SAMD5: variants seen among roughly 807,000 people sequenced by gnomAD.
SAMD5 encodes the protein sterile alpha motif domain containing 5, also known as sterile alpha motif domain-containing protein 5.
A neutral mutation model predicts 11.3 loss-of-function variants in SAMD5; 13 were observed. The observed-to-expected ratio is 1.15, with a 90% confidence interval of 0.75 to 1.83. The LOEUF (loss-of-function observed/expected upper bound fraction) is 1.83, where lower values mean the gene tolerates loss of function less well. Among genes scored for constraint, SAMD5 ranks in the 40% most tolerant of loss-of-function variants. The pLI, the probability that SAMD5 is intolerant of heterozygous loss-of-function variation, is 0.00. For synonymous variants in SAMD5, 129 were observed against 111.3 expected (o/e 1.16, Z -1.00); for missense variants, 255 against 239.1 (o/e 1.07, Z -0.44).
At chr6:147,768,496 TCAAA>T in the SAMD5 span, among the ~76,000 whole-genome samples, 1 of 151,610 alleles carries the variant, frequency 6.6e-6, no homozygotes, top group Admixed American at 6.6e-5. Flanking sequence ...AGACTCCGTC[TCAAA>T]CAAAACAAAA....
At chr6:147,683,337 G>C (rs774741322) in intron 1 of SAMD5, among the ~76,000 whole-genome samples, 1 of 152,040 alleles carries the variant, frequency 6.6e-6, no homozygotes, top group African/African-American at 2.4e-5. Context: ...TAAACTTTTT[G>C]GTCTCAGGAC....
Position 147,567,191 on chromosome 6 carries a change from T to C in SAMD5, c.*2735T>C. On this transcript the variant is annotated 3_prime_UTR_variant, in exon 2 of 2. Transcript: ENST00000367474. ...ATTTCTTGGCATAGGGAAGGCGTAATGTTAAGGGCTTCTTCCTTACCCAAG... is the reference window on the plus strand; with the variant it reads ...ATTTCTTGGCATAGGGAAGGCGTAACGTTAAGGGCTTCTTCCTTACCCAAG... 2.0e-6 allele frequency: 2 copies of C among 985,348 alleles called. No homozygotes were observed. Among genetic ancestry groups the C allele is most frequent in the Non-Finnish European group, 2.4e-6 (2 of 829,858 alleles). 61.0% of individuals were successfully genotyped at this position (985,348 alleles called of 1,614,324 possible). A position where few individuals can be genotyped will look rare whatever the true frequency, so the allele number is the denominator to read the frequency against.
chr6:147,512,806 G>A (rs1788109566), intron 1 of SAMD5, among the ~76,000 whole-genome samples: 1 of 152,084 alleles, frequency 6.6e-6, no homozygotes, highest in East Asian at 1.9e-4. Flanking sequence ...CTGCCCTCTG[G>A]GAACTTAGCA....
intron 1 of SAMD5, among the ~76,000 whole-genome samples, chr6:147,531,615 C>G (rs998225868): frequency 2.0e-5 from 3 of 152,170 alleles, no homozygotes; most frequent in Non-Finnish European, 4.4e-5. Flanking sequence ...ACCTATCAAC[C>G]AACATTCATG....
the SAMD5 span, among the ~76,000 whole-genome samples, chr6:147,907,360 T>A: frequency 2.0e-5 from 3 of 152,234 alleles, no homozygotes; most frequent in Admixed American, 2.0e-4. Flanking sequence ...GCAATGGACA[T>A]CAAATCTGCA....
chr6:147,845,278 G>A, the SAMD5 span, among the ~76,000 whole-genome samples: 5 of 151,998 alleles, frequency 3.3e-5, no homozygotes, highest in Non-Finnish European at 7.4e-5. Flanking sequence ...AGACTTAAAT[G>A]TAAAACATAA....
chr6:147,831,631 C>T, the SAMD5 span, among the ~76,000 whole-genome samples: 20 of 152,192 alleles, frequency 1.3e-4, no homozygotes, highest in Non-Finnish European at 1.8e-4. Flanking sequence ...AAATATCTTA[C>T]AAGATCTTCA....
the SAMD5 span, among the ~76,000 whole-genome samples, chr6:147,928,734 A>G: frequency 6.6e-6 from 1 of 151,720 alleles, no homozygotes; most frequent in Non-Finnish European, 1.5e-5. Context: ...TGCTTCTCTA[A>G]TTCTTTCAGT....
intron 1 of SAMD5, among the ~76,000 whole-genome samples, chr6:147,513,800 T>C (rs1583063366): frequency 1.3e-5 from 2 of 152,156 alleles, no homozygotes; most frequent in East Asian, 3.9e-4. Context: ...AGCAGTGATG[T>C]TTCAAGGAGG....
At position 147,645,371 on chromosome 6, in the gene SAMD5, T is replaced by C. The variant is rs192568030; in HGVS notation, c.163-91946T>C. Among the ~76,000 whole-genome samples, 96 of 152,310 alleles carry C rather than the reference T, an allele frequency of 6.3e-4. No individual in the cohort carries two copies. The Middle Eastern group carries it at 0.014, about 22-fold the overall frequency. Reference sequence around the variant, plus strand: ...TTTGGAAATCATTCTCAAGAAATACTGTCCAAGCTCATTTCTCTAAGCCCA... The same window carrying C: ...TTTGGAAATCATTCTCAAGAAATACCGTCCAAGCTCATTTCTCTAAGCCCA... On this transcript the variant is annotated intron_variant, in intron 1 of 1. Coordinates refer to the SAMD5 transcript ENST00000566741.
chr6:147,531,717 T>C (rs1249501825), intron 1 of SAMD5, among the ~76,000 whole-genome samples: 4 of 152,232 alleles, frequency 2.6e-5, no homozygotes, highest in Admixed American at 1.3e-4. Flanking sequence ...TGAGGATCAA[T>C]TGGATATATG....
chr6:147,951,790 C>A, the SAMD5 span, among the ~76,000 whole-genome samples: 2 of 152,204 alleles, frequency 1.3e-5, no homozygotes, highest in Non-Finnish European at 2.9e-5. Flanking sequence ...GCAAAGCAGT[C>A]ATTCCGTAAG....
intron 1 of SAMD5, among the ~76,000 whole-genome samples, chr6:147,638,962 G>A (rs1041849928): frequency 1.2e-4 from 18 of 152,160 alleles, no homozygotes; most frequent in African/African-American, 3.9e-4. Context: ...AATACTGGCT[G>A]ATTTTTCCCA....
chr6:147,745,353 A>G, the SAMD5 span, among the ~76,000 whole-genome samples: 1 of 152,312 alleles, frequency 6.6e-6, no homozygotes, highest in East Asian at 1.9e-4. Flanking sequence ...AATTTAATGG[A>G]AAAAAATGTC....
intron 1 of SAMD5, among the ~76,000 whole-genome samples, chr6:147,646,970 TC>T (rs1470646304): frequency 3.3e-4 from 45 of 135,076 alleles, no homozygotes; most frequent in Non-Finnish European, 5.2e-4. Flanking sequence ...AAACCTCATC[TC>T]TAATAATAAT....
the SAMD5 span, among the ~76,000 whole-genome samples, chr6:147,773,697 A>T: frequency 6.6e-6 from 1 of 152,044 alleles, no homozygotes; most frequent in Non-Finnish European, 1.5e-5. Context: ...CATCTTCTTG[A>T]CCTAATCACC....
chr6:147,576,994 A>G (rs1266986804), intron 1 of SAMD5, among the ~76,000 whole-genome samples: 1 of 152,218 alleles, frequency 6.6e-6, no homozygotes, highest in African/African-American at 2.4e-5. Context: ...CTATTACACA[A>G]TTTGATTCTA....
chr6:147,663,903 A>ATT (rs201468036), intron 1 of SAMD5, among the ~76,000 whole-genome samples: 6 of 142,146 alleles, frequency 4.2e-5, no homozygotes, highest in Admixed American at 1.4e-4. Flanking sequence ...TTACATGTAA[A>ATT]TTTTTTTTTT....
chr6:147,896,464 C>G, the SAMD5 span, among the ~76,000 whole-genome samples: 1 of 152,012 alleles, frequency 6.6e-6, no homozygotes, highest in Non-Finnish European at 1.5e-5. Context: ...GATCTCAGAG[C>G]TCTGGAAGGA....
Sources: gnomAD v4.1 joint callset for allele counts (sites outside exome capture counted in the v4.1 genomes callset) on GRCh38, gnomAD v4.1.1 for gene constraint, MANE v1.5 for transcripts, NCBI Gene and HGNC (gene_info 2026-07-23, HGNC 2026-07-21) for gene names.